The following TM9SF4 variants were observed in gnomAD, a reference collection of about 807,000 sequenced individuals.
TM9SF4 encodes dinucleotide oxidase disulfide thiol exchanger 3 superfamily member 4.
Under a neutral mutation model 90.4 loss-of-function variants are expected in TM9SF4, and 26 were observed. That is an observed-to-expected ratio of 0.29 (90% CI 0.21 to 0.40). TM9SF4 has a LOEUF of 0.40. Ranked by LOEUF, TM9SF4 falls within the 10% of genes least tolerant of loss-of-function variation. The pLI, the probability that TM9SF4 is intolerant of heterozygous loss-of-function variation, is 1.00. For synonymous variants in TM9SF4, 293 were observed against 315.4 expected (o/e 0.93, Z 0.75); for missense variants, 549 against 834.8 (o/e 0.66, Z 4.22).
At chr20:32,132,962 A>C in intron 1 of TM9SF4, 51 bp from the exon 2 acceptor site, 2 of 1,530,640 alleles carry the variant, frequency 1.3e-6, no homozygotes, top group Non-Finnish European at 1.8e-6. Flanking sequence ...GCCTCAGAGG[A>C]TCTTCTTCAC....
intron 17 of TM9SF4, among the ~76,000 whole-genome samples, chr20:32,163,332 C>A (rs2047054751): frequency 6.9e-6 from 1 of 144,814 alleles, no homozygotes; most frequent in Admixed American, 7.0e-5. Flanking sequence ...CATACCAGGG[C>A]TCTGTGCCCA....
chr20:32,158,541 T>A, intron 15 of TM9SF4, 27 bp downstream of exon 15: 1 of 1,612,242 alleles, frequency 6.2e-7, no homozygotes, highest in Non-Finnish European at 8.5e-7. Flanking sequence ...CCCCCACCCC[T>A]CCACCCATGC....
chr20:32,157,917 C>A lies in TM9SF4; in HGVS notation c.1453C>A (p.Gln485Lys). 6.2e-7 allele frequency: 1 copy of A among 1,614,090 alleles called. No homozygotes were observed. The highest frequency in any genetic ancestry group is 8.5e-7 in the Non-Finnish European group (1 of 1,180,012). Reference sequence around the variant, plus strand: ...ATATGACAACCCTGTGCGCACCAACCAGATTCCCCGGCAGATCCCCGAGCA... The same window carrying A: ...ATATGACAACCCTGTGCGCACCAACAAGATTCCCCGGCAGATCCCCGAGCA... ...QPYDNPVRTN[Q>K]IPRQIPEQRW... is the part of the protein sequence containing the mutation. The change falls in exon 14 of 18, where the codon CAG becomes AAG. Residue 485 changes from glutamine to lysine, a missense_variant. Physicochemically the swap from Gln to Lys is moderately conservative, Grantham distance 53 (BLOSUM62 1). Coordinates refer to ENST00000398022, the MANE Select transcript of TM9SF4 (RefSeq NM_014742.4).
intron 1 of TM9SF4, among the ~76,000 whole-genome samples, chr20:32,131,375 T>G (rs1252935324): frequency 2.0e-5 from 3 of 152,232 alleles, no homozygotes; most frequent in Non-Finnish European, 4.4e-5. Context: ...AAGCCATTTT[T>G]CCCTCAACTT....
intron 3 of TM9SF4, among the ~76,000 whole-genome samples, chr20:32,140,384 T>C (rs1337048159): frequency 6.6e-6 from 1 of 151,938 alleles, no homozygotes; most frequent in African/African-American, 2.4e-5. Context: ...AGGTGCTGGA[T>C]TTCACCCCAC....
At chr20:32,111,833 G>A (rs965237911) in intron 1 of TM9SF4, among the ~76,000 whole-genome samples, 2 of 152,204 alleles carry the variant, frequency 1.3e-5, no homozygotes, top group Admixed American at 6.5e-5. Context: ...ACACACAGAA[G>A]GCTGGAGGGG....
chr20:32,146,698 C>T (rs1407097357), intron 8 of TM9SF4, 87 bp from the exon 9 acceptor site: 18 of 1,355,486 alleles, frequency 1.3e-5, no homozygotes, highest in Non-Finnish European at 1.8e-5. Context: ...AGCTGTCGCA[C>T]AGTAAAACAT....
chr20:32,123,211 AG>A (rs1569053826), intron 1 of TM9SF4, among the ~76,000 whole-genome samples: 2 of 550 alleles, frequency 3.6e-3, no homozygotes, highest in African/African-American at 0.011. Context: ...GGGGAGGGGG[AG>A]GGGGGAGGGG....
At chr20:32,114,841 A>G (rs1047278009) in intron 1 of TM9SF4, among the ~76,000 whole-genome samples, 2 of 152,190 alleles carry the variant, frequency 1.3e-5, no homozygotes, top group Non-Finnish European at 1.5e-5. Context: ...CAGCGCTGCC[A>G]CTGATGCATT....
intron 17 of TM9SF4, 129 bp downstream of exon 17, chr20:32,161,494 C>T: frequency 5.5e-6 from 4 of 729,972 alleles, no homozygotes; most frequent in Non-Finnish European, 9.2e-6. Context: ...CCAAAGCCAC[C>T]TAGAACTGTT....
At chr20:32,121,698 G>T (rs956552171) in intron 1 of TM9SF4, among the ~76,000 whole-genome samples, 1 of 152,138 alleles carries the variant, frequency 6.6e-6, no homozygotes, top group African/African-American at 2.4e-5. Flanking sequence ...ATCCTGGCCC[G>T]CTCTCAATGA....
chr20:32,164,452 T>C (rs2047072035), intron 17 of TM9SF4, among the ~76,000 whole-genome samples: 1 of 152,124 alleles, frequency 6.6e-6, no homozygotes, highest in African/African-American at 2.4e-5. Context: ...GGTGAGGCTG[T>C]AGTGAGCTGT....
At chr20:32,149,341 C>CTGA (rs2046808275) in intron 9 of TM9SF4, among the ~76,000 whole-genome samples, 1 of 152,094 alleles carries the variant, frequency 6.6e-6, no homozygotes, top group African/African-American at 2.4e-5. Context: ...ATCTCACCAC[C>CTGA]CAAGAACTCT....
intron 17 of TM9SF4, among the ~76,000 whole-genome samples, chr20:32,162,293 C>T (rs1408852531): frequency 6.6e-6 from 1 of 152,196 alleles, no homozygotes; most frequent in Non-Finnish European, 1.5e-5. Context: ...TTCCCAAAAA[C>T]AGTCAAGTTG....
At chr20:32,136,275 G>A in intron 3 of TM9SF4, 102 bp downstream of exon 3, 1 of 1,097,098 alleles carries the variant, frequency 9.1e-7, no homozygotes, top group Non-Finnish European at 1.3e-6. Flanking sequence ...TCTAGACACT[G>A]GTCTACATTG....
chr20:32,157,695 C>A (rs2046948792), intron 13 of TM9SF4, 99 bp from the exon 14 acceptor site: 1 of 1,469,538 alleles, frequency 6.8e-7, no homozygotes, highest in African/African-American at 1.4e-5. Context: ...GCACAAGTCG[C>A]CTCTCCTTCT....
intron 1 of TM9SF4, among the ~76,000 whole-genome samples, chr20:32,125,960 G>A (rs1483822797): frequency 6.6e-6 from 1 of 151,900 alleles, no homozygotes; most frequent in African/African-American, 2.4e-5. Flanking sequence ...ATGAACCACC[G>A]CACCGGGCTA....
intron 1 of TM9SF4, among the ~76,000 whole-genome samples, chr20:32,126,499 T>G (rs1411256775): frequency 2.6e-5 from 4 of 152,108 alleles, no homozygotes; most frequent in Admixed American, 2.0e-4. Context: ...GTTCTTAGAT[T>G]TGCACTCCTT....
At chr20:32,143,163 C>T in intron 6 of TM9SF4, 58 bp downstream of exon 6, 15 of 1,592,178 alleles carry the variant, frequency 9.4e-6, no homozygotes, top group Non-Finnish European at 1.3e-5. Flanking sequence ...CTTCTCCACG[C>T]AGGGTCTTCG....
Sources: allele counts gnomAD v4.1 joint callset (sites outside exome capture counted in the v4.1 genomes callset), GRCh38; gene constraint gnomAD v4.1.1; transcripts MANE v1.5; gene names NCBI Gene and HGNC (gene_info 2026-07-23, HGNC 2026-07-21).